PLEKHH2: variants seen among roughly 807,000 people sequenced by gnomAD.
PLEKHH2 encodes pleckstrin homology domain-containing family H member 2.
Under a neutral mutation model 187.9 loss-of-function variants are expected in PLEKHH2, and 129 were observed. The ratio of observed to expected loss-of-function variants is 0.69; its 90% CI spans 0.59 to 0.79. PLEKHH2 has a LOEUF of 0.79. Ranked by LOEUF, PLEKHH2 falls within the 30% of genes least tolerant of loss-of-function variation. The pLI, the probability that PLEKHH2 is intolerant of heterozygous loss-of-function variation, is 0.00. For missense variants in PLEKHH2, 2,076 were observed against 1,751.2 expected, an observed-to-expected ratio of 1.19 and a Z score of -3.31; for synonymous variants, 686 against 605.6, an observed-to-expected ratio of 1.13 and a Z score of -1.95.
At position 43,753,749 on chromosome 2, in the gene PLEKHH2, C is replaced by T; in HGVS notation, c.3784C>T (p.Leu1262Phe). 6.4e-7 allele frequency: 1 copy of T among 1,571,502 alleles called. No homozygotes were observed. The highest frequency in any genetic ancestry group is 1.2e-5 in the South Asian group (1 of 81,008). Residue 1262 changes from leucine to phenylalanine, a missense_variant, in exon 25 of 30, where the codon CTT (leucine) becomes TTT (phenylalanine). Coordinates refer to ENST00000282406, the MANE Select transcript of PLEKHH2 (RefSeq NM_172069.4). ...AGATCTGGCATTAGAAATGGCAGCT[C>T]TTTTATCTCAGGTAACTTCCATGTT... The part of the protein sequence containing the change: ...NKDLALEMAA[L>F]LSQVEIGDFE...
At chr2:43,674,634 C>T (rs1271786311) in intron 2 of PLEKHH2, among the ~76,000 whole-genome samples, 1 of 152,148 alleles carries the variant, frequency 6.6e-6, no homozygotes. Context: ...ATTTACATAT[C>T]CAAATATTTG....
chr2:43,706,514 C>A, intron 10 of PLEKHH2, 98 bp downstream of exon 10: 1 of 849,210 alleles, frequency 1.2e-6, no homozygotes, highest in South Asian at 1.6e-5. Context: ...TAACATTTTA[C>A]ACAGGCTCTC....
At position 43,700,530 on chromosome 2, in the gene PLEKHH2, C is replaced by T. The variant is rs116570173; in HGVS notation, c.1572C>T (p.Asp524=). 1,795 of 1,613,836 alleles carry T rather than the reference C, an allele frequency of 1.1e-3. 13 individuals carry two copies. In the African/African-American group the frequency reaches 0.021, roughly 19 times the overall value. The change falls in exon 8 of 30, where the codon GAC becomes GAT. Residue 524 remains aspartate, a synonymous_variant. Coordinates refer to ENST00000282406, the MANE Select transcript of PLEKHH2 (RefSeq NM_172069.4). ...YDSLDSPNSD[D]QEHCDSAKKV... ...CCTTGGACTCTCCAAATTCAGATGA[C>T]CAGGAACACTGTGACTCAGCAAAGA...
chr2:43,761,544 C>T (rs1021649668), intron 27 of PLEKHH2, among the ~76,000 whole-genome samples: 5 of 151,448 alleles, frequency 3.3e-5, no homozygotes, highest in Admixed American at 2.0e-4. Flanking sequence ...CCAAGTAGAT[C>T]GGATTACAGG....
intron 3 of PLEKHH2, chr2:43,681,029 C>A: frequency 7.8e-7 from 1 of 1,278,690 alleles, no homozygotes; most frequent in Non-Finnish European, 1.1e-6. Context: ...CCTCAGAATG[C>A]CAACTGGAAT....
intron 3 of PLEKHH2, among the ~76,000 whole-genome samples, chr2:43,685,752 C>T (rs1402020947): frequency 6.6e-6 from 1 of 152,014 alleles, no homozygotes. Context: ...GGCCCTAGTG[C>T]ATCTTTATTA....
chr2:43,698,213 T>G (rs2104479649), intron 7 of PLEKHH2, among the ~76,000 whole-genome samples: 1 of 151,992 alleles, frequency 6.6e-6, no homozygotes, highest in South Asian at 2.1e-4. Flanking sequence ...CTCCTTGCTT[T>G]CATGCCATTA....
chr2:43,667,269 G>C (rs1428418333), intron 2 of PLEKHH2, among the ~76,000 whole-genome samples: 1 of 152,176 alleles, frequency 6.6e-6, no homozygotes, highest in Non-Finnish European at 1.5e-5. Flanking sequence ...TAGGATGGCT[G>C]TAGTCAAAGA....
At position 43,700,587 on chromosome 2, in the gene PLEKHH2, C is replaced by G; in HGVS notation, c.1629C>G (p.Pro543=). The G allele has an allele frequency of 6.2e-7, 1 of 1,609,650 alleles. No homozygotes were observed. Among genetic ancestry groups the G allele is most frequent in the Non-Finnish European group, 8.5e-7 (1 of 1,179,016 alleles). The stretch of plus-strand genomic sequence containing the variant: ...CATACAGCAAACCTCCAACTCCTCC[C>G]CTGCACCGTTTTCCTTCTTGGGTAA... ...KVAYSKPPTP[P]LHRFPSWESR... is the part of the protein sequence containing the mutation. Residue 543 remains proline (P), a synonymous_variant, in exon 8 of 30, where the codon CCC becomes CCG. Coordinates refer to ENST00000282406, the MANE Select transcript of PLEKHH2 (RefSeq NM_172069.4).
At position 43,700,269 on chromosome 2, in the gene PLEKHH2, A is replaced by G. The variant is rs753789213; in HGVS notation, c.1311A>G (p.Pro437=). Residue 437 remains proline (P), a synonymous_variant, in exon 8 of 30, where the codon CCA becomes CCG. Coordinates refer to ENST00000282406, the MANE Select transcript of PLEKHH2 (RefSeq NM_172069.4). The part of the protein sequence containing the change: ...GTQLVPSSHL[P]PPKLRIPNVF... The stretch of plus-strand genomic sequence containing the variant: ...AATTAGTGCCTTCATCACACCTGCC[A>G]CCCCCAAAGTTAAGGATTCCTAATG... The G allele has an allele frequency of 8.7e-6, 14 of 1,614,002 alleles. No homozygotes were observed. The highest frequency in any genetic ancestry group is 1.6e-4 in the Middle Eastern group (1 of 6,084).
At chr2:43,710,943 G>C in intron 14 of PLEKHH2, 1 of 1,009,912 alleles carries the variant, frequency 9.9e-7, no homozygotes, top group Non-Finnish European at 1.2e-6. Context: ...ATTCAGGAAT[G>C]TTTGTATTTT....
chr2:43,741,561 C>G (rs1671561620), intron 21 of PLEKHH2, among the ~76,000 whole-genome samples: 1 of 152,158 alleles, frequency 6.6e-6, no homozygotes. Context: ...AAGGCTTATC[C>G]AGGGTCATTT....
At chr2:43,726,493 A>G (rs1300826482) in intron 17 of PLEKHH2, 42 bp downstream of exon 17, 6 of 1,475,768 alleles carry the variant, frequency 4.1e-6, no homozygotes, top group Admixed American at 1.9e-5. Flanking sequence ...GATGTAGACT[A>G]ATATTATTCA....
Position 43,689,269 on chromosome 2 carries a change from G to A in PLEKHH2, c.187-3245G>A, listed in dbSNP as rs1668679555. On this transcript the variant is annotated intron_variant, in intron 3 of 29. Transcript: ENST00000282406. ...TCAAGAAGGTTTGGGAGAAGTGGGT[G>A]AGGAGTGTGCTGAGGTGGGTGGATA... Among the ~76,000 whole-genome samples, 2 of 152,212 alleles carry A rather than the reference G, an allele frequency of 1.3e-5. 1 individual carries two copies. The highest frequency in any genetic ancestry group is 4.1e-4 in the South Asian group (2 of 4,832).
At chr2:43,761,410 CT>C (rs568339874) in intron 27 of PLEKHH2, among the ~76,000 whole-genome samples, 8,881 of 117,614 alleles carry the variant, frequency 0.076, 573 homozygotes, top group African/African-American at 0.21. Flanking sequence ...TAGCTTTTAG[CT>C]TTTTTTTTTT....
At chr2:43,658,189 T>C (rs1296936121) in intron 2 of PLEKHH2, among the ~76,000 whole-genome samples, 6 of 152,232 alleles carry the variant, frequency 3.9e-5, no homozygotes, top group Non-Finnish European at 2.9e-5. Context: ...AATTGTGCTA[T>C]TCCTATTTAC....
At chr2:43,669,793 G>A (rs938741933) in intron 2 of PLEKHH2, among the ~76,000 whole-genome samples, 1 of 151,928 alleles carries the variant, frequency 6.6e-6, no homozygotes, top group African/African-American at 2.4e-5. Flanking sequence ...TGCAACCTCT[G>A]CCTCCTGGGT....
chr2:43,748,838 C>T (rs770615495), intron 24 of PLEKHH2, among the ~76,000 whole-genome samples: 2 of 151,970 alleles, frequency 1.3e-5, no homozygotes, highest in African/African-American at 2.4e-5. Flanking sequence ...CTTACTGCAA[C>T]CTTTGCCTCC....
chr2:43,700,894 C>T (rs948168015), intron 8 of PLEKHH2, among the ~76,000 whole-genome samples: 1 of 152,194 alleles, frequency 6.6e-6, no homozygotes, highest in Non-Finnish European at 1.5e-5. Flanking sequence ...AAGTGATCCA[C>T]CTGCCTTTGC....
Sources: gnomAD v4.1 joint callset for allele counts (sites outside exome capture counted in the v4.1 genomes callset) on GRCh38, gnomAD v4.1.1 for gene constraint, MANE v1.5 for transcripts, NCBI Gene and HGNC (gene_info 2026-07-23, HGNC 2026-07-21) for gene names.